Variants in AGBL4 observed in about 807,000 individuals in gnomAD.
AGBL4 encodes the protein cytosolic carboxypeptidase 6.
Under a neutral mutation model 66.4 loss-of-function variants are expected in AGBL4, and 58 were observed. That is an observed-to-expected ratio of 0.87 (90% confidence interval 0.71 to 1.09). AGBL4 has a LOEUF of 1.09. Among genes scored for constraint, AGBL4 ranks in the 50% least tolerant of loss-of-function variants. AGBL4 has a pLI of 0.00. For synonymous variants in AGBL4, 234 were observed against 222.9 expected (o/e 1.05, Z -0.44); for missense variants, 579 against 631.0 (o/e 0.92, Z 0.88).
chr1:49,859,994 T>A (rs1321575191), intron 1 of AGBL4, among the ~76,000 whole-genome samples: 1 of 152,198 alleles, frequency 6.6e-6, no homozygotes, highest in East Asian at 1.9e-4. Flanking sequence ...GTAACACCAA[T>A]AAAATTTATA....
chr1:48,955,573 A>G (rs763860398), intron 5 of AGBL4, among the ~76,000 whole-genome samples: 152 of 152,314 alleles, frequency 1.0e-3, no homozygotes, highest in Non-Finnish European at 1.9e-3. Flanking sequence ...GCTGCAGTGC[A>G]GTAGTGCAAT....
intron 6 of AGBL4, among the ~76,000 whole-genome samples, chr1:48,740,347 TC>T (rs1218310985): frequency 6.6e-6 from 1 of 152,238 alleles, no homozygotes; most frequent in Non-Finnish European, 1.5e-5. Context: ...CCTGCCTGCC[TC>T]TAACCTGTTA....
chr1:49,622,651 A>G (rs915221838), intron 3 of AGBL4, among the ~76,000 whole-genome samples: 2 of 150,836 alleles, frequency 1.3e-5, no homozygotes, highest in Non-Finnish European at 3.0e-5. Context: ...AAAAAAAAAA[A>G]AAAGAAAAAT....
intron 2 of AGBL4, among the ~76,000 whole-genome samples, chr1:49,698,946 C>A (rs888331689): frequency 9.2e-5 from 14 of 151,902 alleles, no homozygotes; most frequent in African/African-American, 3.4e-4. Flanking sequence ...GATTTGACAT[C>A]TTTTATATTA....
chr1:48,689,906 G>C (rs6694008), intron 6 of AGBL4, among the ~76,000 whole-genome samples: 24,817 of 152,166 alleles, frequency 0.16, 6,624 homozygotes, highest in African/African-American at 0.56. Context: ...GACCCTGTCT[G>C]AAAAGAAAAA....
In AGBL4 at chr1:49,720,839, T is replaced by C. The variant is rs138868489; in HGVS notation, c.158-23402A>G. On this transcript the variant is annotated intron_variant, in intron 2 of 13. Transcript: ENST00000371839. ...AATTAAAAGACTAACATATCCGGGG[T>C]TGCAAGACTTGCAAAGAGTTAACAG... is the stretch of plus-strand genomic sequence containing the variant. 1.4e-4 allele frequency among the ~76,000 whole-genome samples: 21 copies of C among 151,972 alleles called. 1 individual carries two copies. Among genetic ancestry groups the C allele is most frequent in the East Asian group, 1.4e-3 (7 of 5,140 alleles).
At chr1:49,652,128 C>A (rs901721331) in intron 3 of AGBL4, among the ~76,000 whole-genome samples, 1 of 151,988 alleles carries the variant, frequency 6.6e-6, no homozygotes, top group Non-Finnish European at 1.5e-5. Flanking sequence ...TTCTAATTAG[C>A]CCAATCAGTC....
At chr1:49,048,551 G>A (rs996566312) in intron 4 of AGBL4, 1 of 152,152 alleles carries the variant, frequency 6.6e-6, no homozygotes, top group Non-Finnish European at 1.5e-5. Flanking sequence ...AAATCTATTT[G>A]AGGAGGGCTC....
chr1:49,808,504 T>A (rs1354861142), intron 2 of AGBL4, among the ~76,000 whole-genome samples: 1 of 152,102 alleles, frequency 6.6e-6, no homozygotes, highest in Non-Finnish European at 1.5e-5. Context: ...TAAGATTATA[T>A]CCCCTCAAGT....
intron 4 of AGBL4, among the ~76,000 whole-genome samples, chr1:49,122,306 G>A (rs1645673052): frequency 6.6e-6 from 1 of 152,182 alleles, no homozygotes; most frequent in Admixed American, 6.5e-5. Flanking sequence ...CACGCTGGGA[G>A]CTGCAGACCG....
chr1:49,156,791 C>G lies in AGBL4; in HGVS notation c.377+88979G>C, dbSNP rs1646439789. Among the ~76,000 whole-genome samples, 3 of 152,134 alleles carry G rather than the reference C, an allele frequency of 2.0e-5. No homozygotes were observed. In the South Asian group the frequency reaches 6.2e-4, roughly 31 times the overall value. ...AGATTTTATTTATCACACATGCTAA[C>G]TATGGTACAGTGTGAGTGGAGACTC... is the stretch of plus-strand genomic sequence containing the variant. On this transcript the variant is annotated intron_variant, in intron 4 of 13. Transcript: ENST00000371839.
At chr1:49,796,247 T>A (rs185084788) in intron 2 of AGBL4, among the ~76,000 whole-genome samples, 1 of 151,996 alleles carries the variant, frequency 6.6e-6, no homozygotes, top group Admixed American at 6.6e-5. Context: ...CTTAAATTGG[T>A]ACAATCATTC....
At chr1:49,156,158 T>G (rs1557685870) in intron 4 of AGBL4, among the ~76,000 whole-genome samples, 1 of 152,168 alleles carries the variant, frequency 6.6e-6, no homozygotes, top group Non-Finnish European at 1.5e-5. Flanking sequence ...ACATTTCCTT[T>G]AACTCAACAC....
chr1:49,953,639 A>G (rs770558495), intron 1 of AGBL4, among the ~76,000 whole-genome samples: 19 of 151,886 alleles, frequency 1.3e-4, no homozygotes, highest in Non-Finnish European at 2.2e-4. Flanking sequence ...GAAATACTCA[A>G]TGGAACATTT....
In AGBL4 at chr1:48,694,048, CAAAAAAAA is replaced by C. The variant is rs61574470; in HGVS notation, c.635-30815_635-30808del. 1.2e-4 allele frequency among the ~76,000 whole-genome samples: 7 copies of C among 56,976 alleles called. No individual in the cohort carries two copies. In the East Asian group the frequency reaches 2.6e-3, roughly 21 times the overall value. 37.4% of individuals were successfully genotyped at this position (56,976 alleles called of 152,430 possible). On this transcript the variant is annotated intron_variant, in intron 6 of 13. Coordinates refer to ENST00000371839, the MANE Select transcript of AGBL4 (RefSeq NM_032785.4). ...CCCCTGACCTGATTTTTTCCCTATT[CAAAAAAAA>C]AAAAAAAAAAAAAGCGGCAGAGCCT...
chr1:49,438,079 T>C (rs1645943650), intron 3 of AGBL4, among the ~76,000 whole-genome samples: 1 of 152,190 alleles, frequency 6.6e-6, no homozygotes, highest in Non-Finnish European at 1.5e-5. Flanking sequence ...AATCACTCCG[T>C]GAGGACTATA....
At chr1:49,385,656 G>C (rs190924762) in intron 3 of AGBL4, among the ~76,000 whole-genome samples, 1 of 151,762 alleles carries the variant, frequency 6.6e-6, no homozygotes, top group Non-Finnish European at 1.5e-5. Context: ...TATATCTTTT[G>C]TACAATTTTC....
intron 3 of AGBL4, among the ~76,000 whole-genome samples, chr1:49,289,635 A>G (rs554218170): frequency 1.3e-5 from 2 of 152,346 alleles, no homozygotes; most frequent in East Asian, 3.9e-4. Flanking sequence ...TAAAATACTT[A>G]TTAAATAAGT....
At chr1:49,288,513 A>G (rs1407754756) in intron 3 of AGBL4, among the ~76,000 whole-genome samples, 1 of 152,200 alleles carries the variant, frequency 6.6e-6, no homozygotes, top group Non-Finnish European at 1.5e-5. Context: ...TTTAAAAATC[A>G]TAGAAAAGTG....
Sources: allele counts gnomAD v4.1 joint callset (sites outside exome capture counted in the v4.1 genomes callset), GRCh38; gene constraint gnomAD v4.1.1; transcripts MANE v1.5; gene names NCBI Gene and HGNC (gene_info 2026-07-23, HGNC 2026-07-21).